OR4F3: variants seen among roughly 807,000 people sequenced by gnomAD.
OR4F3 encodes olfactory receptor family 4 subfamily F member 3.
chr5:181,360,860 A>T, the OR4F3 span, among the ~76,000 whole-genome samples: 2 of 130,424 alleles, frequency 1.5e-5, no homozygotes, highest in East Asian at 4.0e-4. Flanking sequence ...TTGGCTTTTT[A>T]ATCTTTTTTT....
the OR4F3 span, among the ~76,000 whole-genome samples, chr5:181,360,941 TA>T: frequency 4.1e-5 from 5 of 121,590 alleles, no homozygotes; most frequent in Non-Finnish European, 8.5e-5. Flanking sequence ...TATGGATTAC[TA>T]TACAATTACA....
chr5:181,362,183 GA>G, the OR4F3 span, among the ~76,000 whole-genome samples: 3 of 103,792 alleles, frequency 2.9e-5, 1 homozygote, highest in Non-Finnish European at 5.1e-5. Context: ...CCATTTTCCT[GA>G]GGATAACGTA....
the OR4F3 span, among the ~76,000 whole-genome samples, chr5:181,357,142 T>C: frequency 7.4e-6 from 1 of 134,916 alleles, no homozygotes; most frequent in Admixed American, 7.0e-5. Context: ...CCCACCTTCG[T>C]CATCCAACTT....
At chr5:181,362,429 G>A (rs1352842436), upstream of OR4F3, among the ~76,000 whole-genome samples, 2 of 121,926 alleles carry the variant, frequency 1.6e-5, 1 homozygote, top group Non-Finnish European at 3.3e-5. Flanking sequence ...TAGATTATGG[G>A]GCTTACCATC....
At chr5:181,363,877 C>A (rs1761092197), upstream of OR4F3, among the ~76,000 whole-genome samples, 1 of 86,208 alleles carries the variant, frequency 1.2e-5, no homozygotes, top group East Asian at 3.0e-4. Context: ...TTTCTCTCCC[C>A]CGTTAAATGC....
chr5:181,358,393 C>A, the OR4F3 span, among the ~76,000 whole-genome samples: 2 of 131,398 alleles, frequency 1.5e-5, no homozygotes, highest in South Asian at 2.4e-4. Flanking sequence ...GGAAGGCAGA[C>A]GAGTTTGGAA....
At chr5:181,363,925 G>A, upstream of OR4F3, among the ~76,000 whole-genome samples, 1 of 77,180 alleles carries the variant, frequency 1.3e-5, no homozygotes, top group South Asian at 4.3e-4. Context: ...CCAAATGAGT[G>A]TGTTAAAGGT....
chr5:181,356,315 TTAAG>T, the OR4F3 span, among the ~76,000 whole-genome samples: 54 of 115,094 alleles, frequency 4.7e-4, 9 homozygotes, highest in African/African-American at 2.0e-3. Context: ...CATATCTAGT[TTAAG>T]TAATCAAATT....
At chr5:181,363,511 T>C (rs1761088397), upstream of OR4F3, among the ~76,000 whole-genome samples, 1 of 99,244 alleles carries the variant, frequency 1.0e-5, no homozygotes, top group South Asian at 3.0e-4. Context: ...TTGGAAATGG[T>C]TTCTGGACTT....
At chr5:181,354,489 A>T in the OR4F3 span, among the ~76,000 whole-genome samples, 1 of 132,910 alleles carries the variant, frequency 7.5e-6, no homozygotes, top group Non-Finnish European at 1.6e-5. Context: ...GGTGGTCTTC[A>T]TGGAGAACCT....
At chr5:181,356,397 C>T in the OR4F3 span, among the ~76,000 whole-genome samples, 1 of 131,774 alleles carries the variant, frequency 7.6e-6, no homozygotes, top group Non-Finnish European at 1.6e-5. Flanking sequence ...CCTTAAAATC[C>T]ATTCTATACA....
upstream of OR4F3, among the ~76,000 whole-genome samples, chr5:181,363,814 C>T (rs1287096566): frequency 9.1e-5 from 8 of 87,916 alleles, no homozygotes; most frequent in African/African-American, 5.8e-4. Context: ...ATCATCTGTG[C>T]TTTTCAAAGA....
At chr5:181,363,901 A>G (rs1426764154), upstream of OR4F3, among the ~76,000 whole-genome samples, 6 of 81,752 alleles carry the variant, frequency 7.3e-5, 1 homozygote, top group Admixed American at 6.2e-4. Flanking sequence ...CCAATGTCAA[A>G]GTCCGTAGCA....
the OR4F3 span, among the ~76,000 whole-genome samples, chr5:181,357,222 A>G: frequency 2.2e-4 from 30 of 135,058 alleles, 3 homozygotes; most frequent in African/African-American, 9.0e-4. Context: ...TTAATCACCC[A>G]TAACATAATT....
the OR4F3 span, among the ~76,000 whole-genome samples, chr5:181,357,011 A>G: frequency 1.5e-5 from 2 of 134,806 alleles, no homozygotes; most frequent in East Asian, 3.9e-4. Context: ...GAAGATTTAT[A>G]GTTTAGTTAT....
upstream of OR4F3, among the ~76,000 whole-genome samples, chr5:181,362,592 G>A (rs142135469): frequency 2.9e-5 from 3 of 102,500 alleles, 1 homozygote; most frequent in Admixed American, 1.7e-4. Context: ...GACATGAGAG[G>A]TTTACCTAAA....
chr5:181,362,321 C>T (rs1761076502), upstream of OR4F3, among the ~76,000 whole-genome samples: 2 of 112,614 alleles, frequency 1.8e-5, 1 homozygote, highest in Admixed American at 1.6e-4. Flanking sequence ...CCTCCCATTT[C>T]TCATTCCTAA....
At chr5:181,362,544 T>A (rs143278607), upstream of OR4F3, among the ~76,000 whole-genome samples, 1,147 of 120,988 alleles carry the variant, frequency 9.5e-3, 102 homozygotes, top group African/African-American at 0.039. Context: ...TTGGGGGGGG[T>A]GCTGGGAAAT....
the OR4F3 span, among the ~76,000 whole-genome samples, chr5:181,358,202 TTGTA>T: frequency 8.1e-6 from 1 of 123,952 alleles, no homozygotes; most frequent in African/African-American, 3.5e-5. Context: ...ATGGTATAAT[TTGTA>T]TGTTCTGTAC....
Sources: allele counts gnomAD v4.1 joint callset (sites outside exome capture counted in the v4.1 genomes callset), GRCh38; gene constraint gnomAD v4.1.1; transcripts MANE v1.5; gene names NCBI Gene and HGNC (gene_info 2026-07-23, HGNC 2026-07-21).